The following RAPGEF5 variants were observed in gnomAD, a reference collection of about 807,000 sequenced individuals.
RAPGEF5 encodes the protein Rap guanine nucleotide exchange factor 5, also known as M-Ras-regulated GEF.
RAPGEF5 carries 65 observed loss-of-function variants against 125.2 expected under a neutral mutation model. That is an observed-to-expected ratio of 0.52 (90% CI 0.43 to 0.64). The LOEUF is 0.64. Among genes scored for constraint, RAPGEF5 ranks in the 30% least tolerant of loss-of-function variants. RAPGEF5 has a pLI of 0.00. For synonymous variants in RAPGEF5, 391 were observed against 385.9 expected (o/e 1.01, Z -0.16); for missense variants, 958 against 1,048.1 (o/e 0.91, Z 1.19).
chr7:22,332,052 C>T (rs527652782), intron 1 of RAPGEF5, among the ~76,000 whole-genome samples: 14 of 152,230 alleles, frequency 9.2e-5, no homozygotes, highest in Non-Finnish European at 1.6e-4. Context: ...CAATACTTAA[C>T]TGTACACTGA....
At chr7:22,197,897 G>GA (rs1554327492) in intron 9 of RAPGEF5, among the ~76,000 whole-genome samples, 11 of 145,990 alleles carry the variant, frequency 7.5e-5, no homozygotes, top group African/African-American at 2.8e-4. Flanking sequence ...TTTTTTTGGG[G>GA]GGGGGTGGTA....
At chr7:22,347,384 T>C (rs1784242881) in intron 1 of RAPGEF5, among the ~76,000 whole-genome samples, 1 of 152,216 alleles carries the variant, frequency 6.6e-6, no homozygotes, top group South Asian at 2.1e-4. Context: ...ATAAACTATG[T>C]AGCTATATTT....
At chr7:22,295,065 T>C (rs1783028483) in intron 5 of RAPGEF5, among the ~76,000 whole-genome samples, 1 of 152,220 alleles carries the variant, frequency 6.6e-6, no homozygotes, top group South Asian at 2.1e-4. Context: ...GTTTGTATGC[T>C]TTGATCAACA....
In RAPGEF5 at chr7:22,193,933, C is replaced by G. The variant is rs1785083751; in HGVS notation, c.1097G>C (p.Ser366Thr). 6.2e-7 allele frequency: 1 copy of G among 1,613,848 alleles called. No homozygotes were observed. The highest frequency in any genetic ancestry group is 8.5e-7 in the Non-Finnish European group (1 of 1,179,840). Residue 366 changes from serine (S) to threonine (T), a missense_variant, in exon 10 of 26, where the codon AGT becomes ACT. Ser to Thr is a moderately conservative substitution (Grantham distance 58, BLOSUM62 1). Coordinates refer to ENST00000665637, the MANE Select transcript of RAPGEF5 (RefSeq NM_012294.5). ...CTCTCACCTCCAATGGCTCTCCGCA[C>G]TCCCAGCTGTGGGGGCTGGGCCACA... Reference protein sequence around the residue: ...QCCGPAPTAGSAESHWRYVVV... With the variant: ...QCCGPAPTAGTAESHWRYVVV...
intron 7 of RAPGEF5, among the ~76,000 whole-genome samples, chr7:22,234,344 A>T (rs575437247): frequency 6.6e-6 from 1 of 152,270 alleles, no homozygotes; most frequent in African/African-American, 2.4e-5. Flanking sequence ...GATCAGAATA[A>T]GAGTTGGTTG....
chr7:22,308,630 AC>A, intron 4 of RAPGEF5, 123 bp from the exon 5 acceptor site: 1 of 788,536 alleles, frequency 1.3e-6, no homozygotes, highest in Non-Finnish European at 1.9e-6. Flanking sequence ...CTATAATTAT[AC>A]ATTCTAAGCT....
At position 22,308,357 on chromosome 7, in the gene RAPGEF5, C is replaced by T. The variant is rs375279963; in HGVS notation, c.662G>A (p.Arg221Lys). ...TACTTACAGTTCACAGATGCCACCT[C>T]TGGCAGGAATGAGAGGCACAAGTTG... ...LLQLVPLIPA[R>K]GGICELSHQK... The change falls in exon 5 of 26, where the codon AGA (arginine) becomes AAA (lysine). Residue 221 changes from arginine (R) to lysine (K), a missense_variant. Physicochemically the swap from Arg to Lys is conservative, Grantham distance 26. Transcript: ENST00000665637. The T allele has an allele frequency of 6.9e-6, 11 of 1,588,548 alleles. No individual in the cohort carries two copies. The Admixed American group carries it at 1.9e-4, about 28-fold the overall frequency.
intron 9 of RAPGEF5, among the ~76,000 whole-genome samples, chr7:22,201,277 C>A (rs1054195111): frequency 2.8e-4 from 42 of 152,190 alleles, no homozygotes; most frequent in Admixed American, 1.9e-3. Flanking sequence ...ACCCTCTGAT[C>A]TCTTGCCGAT....
At chr7:22,207,841 T>C (rs1785430596) in intron 9 of RAPGEF5, among the ~76,000 whole-genome samples, 1 of 152,230 alleles carries the variant, frequency 6.6e-6, no homozygotes, top group Non-Finnish European at 1.5e-5. Flanking sequence ...ATTTGAGATT[T>C]ATAATCTTTG....
At chr7:22,152,860 G>A (rs1374296700) in intron 17 of RAPGEF5, among the ~76,000 whole-genome samples, 1 of 152,200 alleles carries the variant, frequency 6.6e-6, no homozygotes, top group Non-Finnish European at 1.5e-5. Flanking sequence ...GAAAAAAGTA[G>A]AGGATGGAAA....
intron 11 of RAPGEF5, among the ~76,000 whole-genome samples, chr7:22,170,271 T>C (rs1380937811): frequency 6.6e-6 from 1 of 152,168 alleles, no homozygotes; most frequent in Non-Finnish European, 1.5e-5. Context: ...GCTGGGCTGG[T>C]CTCAAACTCT....
intron 21 of RAPGEF5, among the ~76,000 whole-genome samples, chr7:22,137,243 A>C (rs1783107477): frequency 6.6e-6 from 1 of 152,218 alleles, no homozygotes; most frequent in Non-Finnish European, 1.5e-5. Context: ...GACATTCCAC[A>C]TACTGGTGGT....
intron 7 of RAPGEF5, among the ~76,000 whole-genome samples, chr7:22,254,177 T>C (rs901636385): frequency 6.6e-6 from 1 of 152,208 alleles, no homozygotes; most frequent in African/African-American, 2.4e-5. Context: ...AACATGTGAC[T>C]GCTCCCAATA....
chr7:22,214,399 T>C (rs1313746307), intron 9 of RAPGEF5, among the ~76,000 whole-genome samples: 2 of 152,196 alleles, frequency 1.3e-5, no homozygotes, highest in African/African-American at 4.8e-5. Context: ...ATTTTACAGA[T>C]ACTGCTCATT....
At chr7:22,269,101 G>T (rs575672149) in intron 6 of RAPGEF5, among the ~76,000 whole-genome samples, 11 of 151,282 alleles carry the variant, frequency 7.3e-5, no homozygotes, top group Non-Finnish European at 1.5e-4. Context: ...CTCTGCCATG[G>T]GAGGATACGA....
rs777401306 is a variant in RAPGEF5, at chr7:22,308,397, C to A, written c.622G>T (p.Val208Phe). ...FEREEEWQNG[V>F]KLLLQLVPLI... ...GGCACAAGTTGCAGTAAAAGCTTGA[C>A]ACCATTTTGCCATTCTTCTTCTCTT... The change falls in exon 5 of 26, where the codon GTC (valine) becomes TTC (phenylalanine). Residue 208 changes from valine to phenylalanine, a missense_variant. By Grantham distance (50) the Val-to-Phe change is conservative. Coordinates refer to ENST00000665637, the MANE Select transcript of RAPGEF5 (RefSeq NM_012294.5). 3 of 1,587,484 alleles carry A rather than the reference C, an allele frequency of 1.9e-6. No individual in the cohort carries two copies. The highest frequency in any genetic ancestry group is 2.3e-5 in the East Asian group (1 of 44,076).
In RAPGEF5 at chr7:22,307,677, T is replaced by C. The variant is rs551258316; in HGVS notation, c.680+662A>G. Among the ~76,000 whole-genome samples the C allele has an allele frequency of 2.0e-5, 3 of 152,276 alleles. No homozygotes were observed. In the South Asian group the frequency reaches 6.2e-4, roughly 32 times the overall value. The stretch of plus-strand genomic sequence containing the variant: ...ATACTGCTTGCCCCCGCTAATATCA[T>C]AGAAGTGAAAGAGTCAACAATATGG... On this transcript the variant is annotated intron_variant, in intron 5 of 25. Transcript: ENST00000665637.
At chr7:22,289,358 CTT>C (rs1782876399) in intron 6 of RAPGEF5, among the ~76,000 whole-genome samples, 2 of 152,292 alleles carry the variant, frequency 1.3e-5, no homozygotes, top group Admixed American at 1.3e-4. Context: ...AGTTCTGACT[CTT>C]GTTTTGTTCT....
intron 5 of RAPGEF5, among the ~76,000 whole-genome samples, chr7:22,302,879 T>C (rs1783244960): frequency 6.6e-6 from 1 of 151,680 alleles, no homozygotes; most frequent in Non-Finnish European, 1.5e-5. Flanking sequence ...CTTTCCATAT[T>C]TGAGTGCAAT....
Sources: gnomAD v4.1 joint callset for allele counts (sites outside exome capture counted in the v4.1 genomes callset) on GRCh38, gnomAD v4.1.1 for gene constraint, MANE v1.5 for transcripts, NCBI Gene and HGNC (gene_info 2026-07-23, HGNC 2026-07-21) for gene names.